LMX1B: variants seen among roughly 807,000 people sequenced by gnomAD.
LMX1B encodes the protein LIM homeobox transcription factor 1 beta, also known as LIM homeobox transcription factor 1-beta.
Under a neutral mutation model 51.4 loss-of-function variants are expected in LMX1B, and 12 were observed. The ratio of observed to expected loss-of-function variants is 0.23; its 90% CI spans 0.15 to 0.38. LMX1B has a LOEUF of 0.38. Ranked by LOEUF, LMX1B falls within the 10% of genes least tolerant of loss-of-function variation. LMX1B has a pLI of 1.00. For synonymous variants in LMX1B, 237 were observed against 235.4 expected (o/e 1.01, Z -0.06); for missense variants, 445 against 571.1 (o/e 0.78, Z 2.25).
At chr9:126,631,094 G>A (rs1835625413) in intron 2 of LMX1B, among the ~76,000 whole-genome samples, 1 of 152,206 alleles carries the variant, frequency 6.6e-6, no homozygotes, top group South Asian at 2.1e-4. Flanking sequence ...TGGCCCCCCT[G>A]TGGGATGTCA....
chr9:126,687,871 C>T lies in LMX1B; in HGVS notation c.327-2965C>T, dbSNP rs565536150. 3.9e-5 allele frequency among the ~76,000 whole-genome samples: 6 copies of T among 152,062 alleles called. No homozygotes were observed. In the South Asian group the frequency reaches 6.2e-4, roughly 16 times the overall value. On this transcript the variant is annotated intron_variant, in intron 2 of 7. Coordinates refer to ENST00000373474, the MANE Select transcript of LMX1B (RefSeq NM_001174147.2). Reference sequence around the variant, plus strand: ...CCATAGTCCTCCGTGGTGGGAGGCACGAAGAGAGGGGGAATGGGGGCTCAC... The same window carrying T: ...CCATAGTCCTCCGTGGTGGGAGGCATGAAGAGAGGGGGAATGGGGGCTCAC...
intron 2 of LMX1B, among the ~76,000 whole-genome samples, chr9:126,665,184 C>T (rs1276126644): frequency 3.6e-4 from 55 of 152,344 alleles, no homozygotes; most frequent in Non-Finnish European, 5.9e-5. Context: ...TGGCTTCCTC[C>T]AGCTCCCTGG....
chr9:126,699,291 C>T lies in LMX1B; in HGVS notation c.*2840C>T, dbSNP rs558765421. 2 of 152,284 alleles carry T rather than the reference C, an allele frequency of 1.3e-5. No homozygotes were observed. The highest frequency in any genetic ancestry group is 2.9e-5 in the Non-Finnish European group (2 of 68,024). The allele number at this position is 152,284 out of a possible 1,614,324, so 9.4% of individuals were successfully genotyped here. ...GAGCTGAGAACAGGGACGTTGTGCC[C>T]CACTGTCCCCTGTGGTTTGTGAATG... On this transcript the variant is annotated 3_prime_UTR_variant, in exon 8 of 8. Transcript: ENST00000373474.
rs117571256 is a variant in LMX1B, at chr9:126,680,378, G to T, written c.327-10458G>T. Among the ~76,000 whole-genome samples the T allele has an allele frequency of 1.1e-4, 16 of 152,352 alleles. No homozygotes were observed. The East Asian group carries it at 3.1e-3, about 29-fold the overall frequency. On this transcript the variant is annotated intron_variant, in intron 2 of 7. Coordinates refer to ENST00000373474, the MANE Select transcript of LMX1B (RefSeq NM_001174147.2). Reference sequence around the variant, plus strand: ...GACACTAAGCAGCTGTGTACCCTCTGCAAGCAGCACTTTCCTCTCTAGCAA... The same window carrying T: ...GACACTAAGCAGCTGTGTACCCTCTTCAAGCAGCACTTTCCTCTCTAGCAA...
intron 2 of LMX1B, among the ~76,000 whole-genome samples, chr9:126,652,708 C>T (rs907149911): frequency 6.6e-5 from 10 of 152,194 alleles, no homozygotes; most frequent in Admixed American, 2.0e-4. Flanking sequence ...CACTGCTTGG[C>T]GTCCACATGA....
rs1366897509 is a variant in LMX1B, at chr9:126,693,134, C to T, written c.560-8C>T. The T allele has an allele frequency of 6.4e-7, 1 of 1,563,348 alleles. No homozygotes were observed. Among genetic ancestry groups the T allele is most frequent in the Admixed American group, 1.9e-5 (1 of 52,502 alleles). The stretch of plus-strand genomic sequence containing the variant: ...CCTTCATCACAGGCCGGGTTGTGTC[C>T]CCCACAGTGAAGAGCGAGGATGAAG... On this transcript the variant is annotated splice_region_variant and splice_polypyrimidine_tract_variant and intron_variant, in intron 3 of 7. Transcript: ENST00000373474.
At chr9:126,680,128 C>T (rs538169851) in intron 2 of LMX1B, among the ~76,000 whole-genome samples, 22 of 152,330 alleles carry the variant, frequency 1.4e-4, no homozygotes, top group East Asian at 3.9e-4. Context: ...GGACTGTGGG[C>T]GCCATCATCC....
chr9:126,643,041 A>G (rs1835835990), intron 2 of LMX1B, among the ~76,000 whole-genome samples: 1 of 152,196 alleles, frequency 6.6e-6, no homozygotes, highest in South Asian at 2.1e-4. Flanking sequence ...GGAGGAGCTG[A>G]GGCTGCAGTG....
chr9:126,627,024 C>T (rs527562484), intron 2 of LMX1B, among the ~76,000 whole-genome samples: 4 of 152,178 alleles, frequency 2.6e-5, no homozygotes, highest in Non-Finnish European at 5.9e-5. Context: ...GGTCTGGACG[C>T]AACAGCCCAC....
chr9:126,670,022 CAGACAGCGAGG>C (rs1344923831), intron 2 of LMX1B, among the ~76,000 whole-genome samples: 4 of 152,304 alleles, frequency 2.6e-5, no homozygotes, highest in Admixed American at 6.5e-5. Flanking sequence ...GGTCACCCAA[CAGACAGCGAGG>C]AGACCCCCTT....
chr9:126,656,392 TAGATAGA>T (rs1836116478), intron 2 of LMX1B, among the ~76,000 whole-genome samples: 1 of 83,988 alleles, frequency 1.2e-5, no homozygotes, highest in Non-Finnish European at 3.0e-5. Flanking sequence ...TTTAGATAGA[TAGATAGA>T]TAGATAGATA....
chr9:126,638,184 C>T (rs991347212), intron 2 of LMX1B, among the ~76,000 whole-genome samples: 1 of 152,136 alleles, frequency 6.6e-6, no homozygotes, highest in Non-Finnish European at 1.5e-5. Context: ...CCCCTCTCTG[C>T]TGGTGTCCCT....
chr9:126,683,358 G>A (rs1836713184), intron 2 of LMX1B, among the ~76,000 whole-genome samples: 1 of 152,206 alleles, frequency 6.6e-6, no homozygotes, highest in Non-Finnish European at 1.5e-5. Context: ...GGTTTGAGTT[G>A]GATCCCCATC....
At chr9:126,686,607 T>G (rs940832950) in intron 2 of LMX1B, among the ~76,000 whole-genome samples, 10 of 151,998 alleles carry the variant, frequency 6.6e-5, no homozygotes, top group African/African-American at 2.2e-4. Context: ...AATAAGAACT[T>G]GAGGTGAATC....
rs765517173 is a variant in LMX1B, at chr9:126,652,361, C to G, written c.326+36792C>G. ...TGATCACAGAGGAGGGAAGGGCTCC[C>G]GTTCAAAGGCAGTCTCCTTATCAGC... On this transcript the variant is annotated intron_variant, in intron 2 of 7. Transcript: ENST00000373474. Among the ~76,000 whole-genome samples, 15 of 152,166 alleles carry G rather than the reference C, an allele frequency of 9.9e-5. 1 individual carries two copies. In the South Asian group the frequency reaches 1.0e-3, roughly 11 times the overall value.
At chr9:126,688,545 C>T (rs1489867770) in intron 2 of LMX1B, among the ~76,000 whole-genome samples, 1 of 152,196 alleles carries the variant, frequency 6.6e-6, no homozygotes, top group Non-Finnish European at 1.5e-5. Flanking sequence ...TGGGGGAGGA[C>T]CACCCTCCAT....
At chr9:126,650,160 C>T (rs1835972632) in intron 2 of LMX1B, among the ~76,000 whole-genome samples, 1 of 152,154 alleles carries the variant, frequency 6.6e-6, no homozygotes, top group Non-Finnish European at 1.5e-5. Context: ...GCTGGGGACT[C>T]CTGAGCCCAC....
chr9:126,696,084 G>T, intron 7 of LMX1B, 81 bp downstream of exon 7: 1 of 1,283,246 alleles, frequency 7.8e-7, no homozygotes, highest in Non-Finnish European at 1.0e-6. Flanking sequence ...GGCCAGGACA[G>T]CCACCTGCTG....
At chr9:126,660,214 G>A (rs543142746) in intron 2 of LMX1B, among the ~76,000 whole-genome samples, 1 of 151,044 alleles carries the variant, frequency 6.6e-6, no homozygotes, top group Non-Finnish European at 1.5e-5. Flanking sequence ...CTGTGTGGGG[G>A]TGTCTACACT....
Sources: gnomAD v4.1 joint callset for allele counts (sites outside exome capture counted in the v4.1 genomes callset) on GRCh38, gnomAD v4.1.1 for gene constraint, MANE v1.5 for transcripts, NCBI Gene and HGNC (gene_info 2026-07-23, HGNC 2026-07-21) for gene names.